ADAMTS3: variants seen among roughly 807,000 people sequenced by gnomAD.
ADAMTS3 encodes the protein ADAM metallopeptidase with thrombospondin type 1 motif 3, also known as A disintegrin and metalloproteinase with thrombospondin motifs 3.
In ADAMTS3, 73 loss-of-function variants were observed where a neutral mutation model predicts 129.0. The observed-to-expected ratio is 0.57, with a 90% CI of 0.47 to 0.69. The LOEUF (loss-of-function observed/expected upper bound fraction) is 0.69. Ranked by LOEUF, ADAMTS3 falls within the 30% of genes least tolerant of loss-of-function variation. ADAMTS3 has a pLI of 0.00. For missense variants in ADAMTS3, 1,457 were observed against 1,514.5 expected, an observed-to-expected ratio of 0.96 and a Z score of 0.63; for synonymous variants, 477 against 510.8, an observed-to-expected ratio of 0.93 and a Z score of 0.89.
At chr4:72,417,931 T>TTA (rs76545577) in intron 3 of ADAMTS3, among the ~76,000 whole-genome samples, 2 of 100,680 alleles carry the variant, frequency 2.0e-5, no homozygotes, top group African/African-American at 7.5e-5. Context: ...AGACTCCATC[T>TTA]CAAAAAAAAA....
chr4:72,288,984 G>C, intron 20 of ADAMTS3, 116 bp from the exon 21 acceptor site: 1 of 671,432 alleles, frequency 1.5e-6, no homozygotes, highest in South Asian at 1.8e-5. Context: ...ACAGAGATCT[G>C]GAGTGGGTTC....
At chr4:72,463,089 C>T (rs1718816883) in intron 3 of ADAMTS3, among the ~76,000 whole-genome samples, 1 of 151,860 alleles carries the variant, frequency 6.6e-6, no homozygotes, top group South Asian at 2.1e-4. Context: ...TATTTTTATG[C>T]TATCTTTTCT....
chr4:72,548,778 C>T lies in ADAMTS3; in HGVS notation c.204G>A (p.Arg68=), dbSNP rs1431488429. The T allele has an allele frequency of 6.2e-7, 1 of 1,613,778 alleles. No homozygotes were observed. Among genetic ancestry groups the T allele is most frequent in the African/African-American group, 1.3e-5 (1 of 74,878 alleles). Reference sequence around the variant, plus strand: ...GGTTGGAAGACACGTCCCTCGCTGACCTCTTTTTGTGACTCGCAGAAAGAG... The same window carrying T: ...GGTTGGAAGACACGTCCCTCGCTGATCTCTTTTTGTGACTCGCAGAAAGAG... ...SHTLSASHKK[R]SARDVSSNPE... is the part of the protein sequence containing the mutation. Residue 68 remains arginine, a synonymous_variant, in exon 3 of 22, where the codon AGG becomes AGA. Transcript: ENST00000286657.
intron 3 of ADAMTS3, among the ~76,000 whole-genome samples, chr4:72,533,528 A>G (rs575265124): frequency 1.0e-5 from 1 of 98,032 alleles, no homozygotes; most frequent in East Asian, 3.5e-4. Context: ...GTCATTTATT[A>G]TCATCAAGTA....
chr4:72,410,600 C>T (rs1040176854), intron 4 of ADAMTS3, among the ~76,000 whole-genome samples: 1 of 152,028 alleles, frequency 6.6e-6, no homozygotes, highest in Non-Finnish European at 1.5e-5. Context: ...CACCTTCCCC[C>T]AAAAAAGTAG....
chr4:72,352,867 A>C (rs1720479241), intron 4 of ADAMTS3, among the ~76,000 whole-genome samples: 2 of 152,030 alleles, frequency 1.3e-5, no homozygotes, highest in South Asian at 4.1e-4. Context: ...GATGGAGCAA[A>C]ACTAAGTGAA....
intron 3 of ADAMTS3, among the ~76,000 whole-genome samples, chr4:72,459,027 A>C (rs868637517): frequency 2.6e-5 from 4 of 151,912 alleles, no homozygotes; most frequent in Non-Finnish European, 4.4e-5. Context: ...TTGTATACAA[A>C]AAGTTCTTTT....
intron 3 of ADAMTS3, among the ~76,000 whole-genome samples, chr4:72,546,563 C>A (rs1325297190): frequency 6.6e-6 from 1 of 152,128 alleles, no homozygotes; most frequent in South Asian, 2.1e-4. Context: ...CTAGTCAGTT[C>A]TTCCACTCAC....
chr4:72,401,424 G>T (rs1371246151), intron 4 of ADAMTS3, among the ~76,000 whole-genome samples: 5 of 151,528 alleles, frequency 3.3e-5, no homozygotes, highest in African/African-American at 1.2e-4. Flanking sequence ...AAAATTAGCT[G>T]GGCATGGTGG....
intron 3 of ADAMTS3, among the ~76,000 whole-genome samples, chr4:72,534,238 A>G (rs1354073901): frequency 6.6e-6 from 1 of 152,104 alleles, no homozygotes; most frequent in Non-Finnish European, 1.5e-5. Context: ...GAGGCAGGAG[A>G]ATGGCGTGAA....
At chr4:72,534,910 T>G (rs920129315) in intron 3 of ADAMTS3, among the ~76,000 whole-genome samples, 1 of 152,204 alleles carries the variant, frequency 6.6e-6, no homozygotes, top group African/African-American at 2.4e-5. Context: ...TGGCTCACAG[T>G]GAACCAATAT....
chr4:72,443,684 G>A (rs542503412), intron 3 of ADAMTS3, among the ~76,000 whole-genome samples: 2 of 139,424 alleles, frequency 1.4e-5, no homozygotes, highest in Admixed American at 1.4e-4. Context: ...TCCCAAAAAC[G>A]TTCGAATGGA....
Position 72,283,577 on chromosome 4 carries a change from T to C in ADAMTS3, c.3177A>G (p.Pro1059=). The change falls in exon 22 of 22, where the codon CCA becomes CCG. Residue 1059 remains proline, a synonymous_variant. Transcript: ENST00000286657. ...SCSKRSSTLP[P]PYLLEAAETH... is the part of the protein sequence containing the mutation. ...TTTCAGCAGCTTCTAGAAGGTATGG[T>C]GGTGGCAGGGTGCTACTGCGCTTGC... 10 of 1,614,022 alleles carry C rather than the reference T, an allele frequency of 6.2e-6. No homozygotes were observed. Among genetic ancestry groups the C allele is most frequent in the Non-Finnish European group, 8.5e-6 (10 of 1,179,956 alleles).
At position 72,474,591 on chromosome 4, in the gene ADAMTS3, C is replaced by T. The variant is rs190829675; in HGVS notation, c.505-59620G>A. 1.1e-4 allele frequency among the ~76,000 whole-genome samples: 16 copies of T among 152,140 alleles called. No individual in the cohort carries two copies. The East Asian group carries it at 2.7e-3, about 26-fold the overall frequency. On this transcript the variant is annotated intron_variant, in intron 3 of 21. Transcript: ENST00000286657. ...ATATACTTAAAAAAAAAATCTGACA[C>T]TAATATTCAGGTAAAGTTTCCATAC...
Position 72,285,509 on chromosome 4 carries a change from C to CGCCCCTGTTAGGAG in ADAMTS3, c.3050-1819_3050-1806dup, listed in dbSNP as rs555764815. ...TTTTCCTCTAACCCCTTTCCCTCATCGCCCCTGTTAGGAGGCCCCTCTTAG... is the reference window on the plus strand; with the variant it reads ...TTTTCCTCTAACCCCTTTCCCTCATCGCCCCTGTTAGGAGGCCCCTGTTAGGAGGCCCCTCTTAG... On this transcript the variant is annotated intron_variant, in intron 21 of 21. Coordinates refer to ENST00000286657, the MANE Select transcript of ADAMTS3 (RefSeq NM_014243.3). Among the ~76,000 whole-genome samples, 230 of 152,132 alleles carry CGCCCCTGTTAGGAG rather than the reference C, an allele frequency of 1.5e-3. 4 individuals are homozygous for CGCCCCTGTTAGGAG. Among genetic ancestry groups the CGCCCCTGTTAGGAG allele is most frequent in the African/African-American group, 5.4e-3 (223 of 41,516 alleles).
Position 72,311,386 on chromosome 4 carries a change from C to T in ADAMTS3, c.1922-205G>A, listed in dbSNP as rs960006005. Among the ~76,000 whole-genome samples the T allele has an allele frequency of 4.0e-5, 6 of 151,774 alleles. No homozygotes were observed. In the East Asian group the frequency reaches 9.7e-4, roughly 25 times the overall value. On this transcript the variant is annotated intron_variant, in intron 13 of 21. Transcript: ENST00000286657. ...TAGCTAAGGTGACCATAAAATTTGT[C>T]ATCTAAACTAGAAAAGGGGTTCTAG... is the stretch of plus-strand genomic sequence containing the variant.
intron 3 of ADAMTS3, among the ~76,000 whole-genome samples, chr4:72,434,338 A>G (rs1294609491): frequency 6.6e-6 from 1 of 151,940 alleles, no homozygotes; most frequent in Non-Finnish European, 1.5e-5. Flanking sequence ...CAAGAAATTA[A>G]AATGGCATGC....
At chr4:72,394,270 G>GA (rs5859316) in intron 4 of ADAMTS3, among the ~76,000 whole-genome samples, 133,034 of 150,406 alleles carry the variant, frequency 0.88, 59,696 homozygotes, top group East Asian at 1. Flanking sequence ...CAACAGAGAG[G>GA]AAAAAAAAAA....
At chr4:72,330,146 G>A (rs1719808002) in intron 5 of ADAMTS3, among the ~76,000 whole-genome samples, 1 of 152,038 alleles carries the variant, frequency 6.6e-6, no homozygotes, top group African/African-American at 2.4e-5. Flanking sequence ...AGCCTCCCGA[G>A]AAGCTGGGAT....
Sources: allele counts gnomAD v4.1 joint callset (sites outside exome capture counted in the v4.1 genomes callset), GRCh38; gene constraint gnomAD v4.1.1; transcripts MANE v1.5; gene names NCBI Gene and HGNC (gene_info 2026-07-23, HGNC 2026-07-21).